Variants in IFT57 observed in about 807,000 individuals in gnomAD.
IFT57 encodes the protein intraflagellar transport 57, also known as intraflagellar transport protein 57 homolog.
IFT57 carries 59 observed loss-of-function variants against 56.8 expected under a neutral mutation model. The ratio of observed to expected loss-of-function variants is 1.04; its 90% confidence interval spans 0.84 to 1.29. IFT57 has a LOEUF of 1.29. Ranked by LOEUF, IFT57 falls within the 50% of genes most tolerant of loss-of-function variation. IFT57 has a pLI of 0.00. For missense variants in IFT57, 470 were observed against 522.1 expected (o/e 0.90, Z 0.97); for synonymous variants, 209 against 186.1 (o/e 1.12, Z -1.00).
intron 6 of IFT57, among the ~76,000 whole-genome samples, chr3:108,173,804 GTGTGTA>G (rs1276419948): frequency 1.0e-4 from 11 of 108,106 alleles, no homozygotes; most frequent in Middle Eastern, 5.4e-3. Flanking sequence ...GTGTGTGTGT[GTGTGTA>G]TATAATATAG....
intron 6 of IFT57, among the ~76,000 whole-genome samples, chr3:108,169,034 G>GA (rs2080078250): frequency 6.6e-6 from 1 of 151,944 alleles, no homozygotes; most frequent in Non-Finnish European, 1.5e-5. Context: ...TGGGTCAAAT[G>GA]GTATTTCTGA....
chr3:108,163,854 A>G (rs1577045584), intron 9 of IFT57, 125 bp from the exon 10 acceptor site: 1 of 628,672 alleles, frequency 1.6e-6, no homozygotes, highest in East Asian at 2.8e-5. Flanking sequence ...GATATTAGGA[A>G]TATTTTGGAC....
At chr3:108,212,584 C>A (rs2080348322) in intron 4 of IFT57, among the ~76,000 whole-genome samples, 1 of 150,196 alleles carries the variant, frequency 6.7e-6, no homozygotes, top group African/African-American at 2.4e-5. Flanking sequence ...AAATAAACTT[C>A]TTTTCTTTAT....
intron 6 of IFT57, among the ~76,000 whole-genome samples, chr3:108,170,851 A>G (rs2080088785): frequency 6.6e-6 from 1 of 152,024 alleles, no homozygotes; most frequent in Admixed American, 6.6e-5. Flanking sequence ...AACACCACAC[A>G]TCTACAACCA....
intron 1 of IFT57, among the ~76,000 whole-genome samples, chr3:108,220,572 C>T (rs1485434442): frequency 6.6e-6 from 1 of 152,088 alleles, no homozygotes; most frequent in Non-Finnish European, 1.5e-5. Context: ...AAGCACCCAC[C>T]CACCAAAAAG....
At position 108,168,257 on chromosome 3, in the gene IFT57, T is replaced by G. The variant is rs560369134; in HGVS notation, c.778-393A>C. On this transcript the variant is annotated intron_variant, in intron 6 of 10. Transcript: ENST00000264538. ...CAAATATCATATATCAAAGATTAGT[T>G]TGTCCCTTGGAAATGAAAATGGGGC... is the stretch of plus-strand genomic sequence containing the variant. Among the ~76,000 whole-genome samples the G allele has an allele frequency of 8.6e-5, 13 of 152,040 alleles. No homozygotes were observed. The South Asian group carries it at 1.9e-3, about 22-fold the overall frequency.
chr3:108,178,097 AAT>A (rs1329180236), intron 6 of IFT57, among the ~76,000 whole-genome samples: 1 of 151,824 alleles, frequency 6.6e-6, no homozygotes, highest in Non-Finnish European at 1.5e-5. Context: ...AATAACAACA[AAT>A]AGACTAAAGT....
chr3:108,181,756 G>A (rs2108314082), intron 6 of IFT57, among the ~76,000 whole-genome samples: 1 of 152,200 alleles, frequency 6.6e-6, no homozygotes, highest in Non-Finnish European at 1.5e-5. Context: ...ACAAACATTT[G>A]TGACAGTAAT....
chr3:108,187,695 C>T (rs2080192463), intron 6 of IFT57, among the ~76,000 whole-genome samples: 1 of 151,620 alleles, frequency 6.6e-6, no homozygotes, highest in African/African-American at 2.4e-5. Context: ...GATCCAGAGC[C>T]AAATAAATAT....
chr3:108,188,008 A>T (rs2080194187), intron 6 of IFT57, among the ~76,000 whole-genome samples: 1 of 151,270 alleles, frequency 6.6e-6, no homozygotes, highest in African/African-American at 2.4e-5. Flanking sequence ...TTACGTATGT[A>T]GCATGTGCCA....
At chr3:108,191,769 G>A in intron 5 of IFT57, 126 bp from the exon 6 acceptor site, 2 of 512,216 alleles carry the variant, frequency 3.9e-6, no homozygotes, top group Non-Finnish European at 6.3e-6. Flanking sequence ...AGTGGAAGAA[G>A]AAATTATTTT....
At chr3:108,187,658 T>C (rs188281972) in intron 6 of IFT57, among the ~76,000 whole-genome samples, 2 of 149,354 alleles carry the variant, frequency 1.3e-5, no homozygotes, top group African/African-American at 4.9e-5. Flanking sequence ...AAAAAAAGTG[T>C]GAGAGAAAAA....
intron 6 of IFT57, among the ~76,000 whole-genome samples, chr3:108,188,044 C>A (rs922693880): frequency 1.3e-5 from 2 of 151,782 alleles, no homozygotes; most frequent in African/African-American, 2.4e-5. Flanking sequence ...CCCACTAACT[C>A]GTCGTTTACA....
intron 9 of IFT57, 50 bp from the exon 10 acceptor site, chr3:108,163,779 C>A (rs1484658576): frequency 8.4e-7 from 1 of 1,192,510 alleles, no homozygotes; most frequent in Non-Finnish European, 1.2e-6. Context: ...TAAACTTTCA[C>A]AATTTTTGAA....
intron 6 of IFT57, among the ~76,000 whole-genome samples, chr3:108,189,538 C>T (rs2080203591): frequency 6.6e-6 from 1 of 152,090 alleles, no homozygotes; most frequent in African/African-American, 2.4e-5. Context: ...AACCTCATTC[C>T]ATAACACTGG....
chr3:108,178,103 C>T (rs534300061), intron 6 of IFT57, among the ~76,000 whole-genome samples: 1 of 151,738 alleles, frequency 6.6e-6, no homozygotes, highest in Admixed American at 6.6e-5. Flanking sequence ...AACAAATAGA[C>T]TAAAGTGATA....
In IFT57 at chr3:108,162,298, T is replaced by C. The variant is rs1057274113; in HGVS notation, c.*179A>G. On this transcript the variant is annotated 3_prime_UTR_variant, in exon 11 of 11. Coordinates refer to ENST00000264538, the MANE Select transcript of IFT57 (RefSeq NM_018010.4). The stretch of plus-strand genomic sequence containing the variant: ...AAGTGAGAATTTGTAATTTCTTTAT[T>C]AAACATTACATTCAGTGTAAAGGCT... 9.3e-6 allele frequency: 4 copies of C among 429,682 alleles called. No individual in the cohort carries two copies. Among genetic ancestry groups the C allele is most frequent in the African/African-American group, 6.1e-5 (3 of 49,010 alleles). The allele number at this position is 429,682 out of a possible 1,614,324, so 26.6% of individuals were successfully genotyped here. A position where few individuals can be genotyped will look rare whatever the true frequency, so the allele number is the denominator to read the frequency against.
At chr3:108,189,916 T>C (rs924801253) in intron 6 of IFT57, among the ~76,000 whole-genome samples, 6 of 152,128 alleles carry the variant, frequency 3.9e-5, no homozygotes, top group African/African-American at 1.4e-4. Flanking sequence ...AAAGAAAATA[T>C]GTATTTACTA....
intron 5 of IFT57, among the ~76,000 whole-genome samples, chr3:108,203,801 GA>G (rs1419985135): frequency 6.6e-6 from 1 of 152,100 alleles, no homozygotes; most frequent in Non-Finnish European, 1.5e-5. Context: ...GGTCTGTGAG[GA>G]AAAATAAAGT....
Sources: gnomAD v4.1 joint callset for allele counts (sites outside exome capture counted in the v4.1 genomes callset) on GRCh38, gnomAD v4.1.1 for gene constraint, MANE v1.5 for transcripts, NCBI Gene and HGNC (gene_info 2026-07-23, HGNC 2026-07-21) for gene names.